Variants in DLC1 observed in about 807,000 individuals in gnomAD.
DLC1 encodes the protein DLC1 Rho GTPase activating protein.
Under a neutral mutation model 140.3 loss-of-function variants are expected in DLC1, and 54 were observed. That is an observed-to-expected ratio of 0.38 (90% CI 0.31 to 0.48). DLC1 has a LOEUF of 0.48. Among genes scored for constraint, DLC1 ranks in the 20% least tolerant of loss-of-function variants. The pLI is 0.96. For synonymous variants in DLC1, 986 were observed against 728.1 expected (o/e 1.35, Z -5.70); for missense variants, 2,536 against 1,907.0 (o/e 1.33, Z -6.14).
chr8:13,125,274 G>A (rs558208258), intron 5 of DLC1, among the ~76,000 whole-genome samples: 4 of 152,278 alleles, frequency 2.6e-5, no homozygotes, highest in African/African-American at 9.6e-5. Context: ...ACCAAACCTG[G>A]CCTAATTTGC....
At chr8:13,402,577 C>G (rs1436860496) in intron 2 of DLC1, among the ~76,000 whole-genome samples, 1 of 152,204 alleles carries the variant, frequency 6.6e-6, no homozygotes, top group Non-Finnish European at 1.5e-5. Context: ...TGTTGCCATC[C>G]TCTCCATCTG....
At chr8:13,597,749 T>C (rs978279468) in intron 1 of DLC1, among the ~76,000 whole-genome samples, 1 of 152,098 alleles carries the variant, frequency 6.6e-6, no homozygotes, top group Non-Finnish European at 1.5e-5. Context: ...AAAGTCAGTA[T>C]CTCACTATCT....
At chr8:13,114,163 A>C (rs1820343170) in intron 6 of DLC1, among the ~76,000 whole-genome samples, 1 of 152,204 alleles carries the variant, frequency 6.6e-6, no homozygotes, top group African/African-American at 2.4e-5. Context: ...GGAGTTCACG[A>C]CCAGCTTGGC....
chr8:13,185,340 C>G (rs1287249820), intron 5 of DLC1, among the ~76,000 whole-genome samples: 1 of 149,808 alleles, frequency 6.7e-6, no homozygotes, highest in Non-Finnish European at 1.5e-5. Flanking sequence ...TGGAGTCTCA[C>G]TCTGTAGCCC....
intron 5 of DLC1, among the ~76,000 whole-genome samples, chr8:13,233,293 T>TAAAAAAAAAAAAAAAAAAAAAAA (rs71207134): frequency 1.4e-5 from 1 of 70,388 alleles, no homozygotes; most frequent in African/African-American, 5.8e-5. Context: ...AGACTCTGTA[T>TAAAAAAAAAAAAAAAAAAAAAAA]AAAAAAAAAA....
At chr8:13,454,708 C>T (rs1799310004) in intron 2 of DLC1, among the ~76,000 whole-genome samples, 1 of 152,102 alleles carries the variant, frequency 6.6e-6, no homozygotes, top group Non-Finnish European at 1.5e-5. Flanking sequence ...GTATGAGTCA[C>T]CATGCCTAGC....
At chr8:13,088,341 C>G in intron 16 of DLC1, 146 bp downstream of exon 16, 1 of 966,318 alleles carries the variant, frequency 1.0e-6, no homozygotes, top group Non-Finnish European at 1.5e-6. Flanking sequence ...CTTGGCCTCC[C>G]AGAGTGCTGG....
intron 3 of DLC1, among the ~76,000 whole-genome samples, chr8:13,398,605 C>CAAAAAAA (rs55898759): frequency 1.1e-4 from 13 of 113,114 alleles, no homozygotes; most frequent in African/African-American, 4.0e-4. Context: ...CCATCTCTAC[C>CAAAAAAA]AAAAAAAAAA....
At chr8:13,504,222 G>A (rs1423540431) in intron 1 of DLC1, among the ~76,000 whole-genome samples, 2 of 150,990 alleles carry the variant, frequency 1.3e-5, no homozygotes, top group Non-Finnish European at 2.9e-5. Context: ...TGCCTCCTGG[G>A]TTCAAGTGAT....
At chr8:13,089,038 C>A (rs1047602208) in intron 15 of DLC1, among the ~76,000 whole-genome samples, 2 of 151,650 alleles carry the variant, frequency 1.3e-5, no homozygotes, top group African/African-American at 4.8e-5. Context: ...GCGGGTGGAT[C>A]ATCTGAGGTC....
At chr8:13,453,422 A>ATATATATG (rs1554523043) in intron 2 of DLC1, among the ~76,000 whole-genome samples, 9 of 32,568 alleles carry the variant, frequency 2.8e-4, no homozygotes, top group African/African-American at 1.3e-3. Context: ...ATATATATAT[A>ATATATATG]TGTGTATATA....
In DLC1 at chr8:13,314,522, A is replaced by C. The variant is rs186037514; in HGVS notation, c.1315-9220T>G. Among the ~76,000 whole-genome samples the C allele has an allele frequency of 4.4e-3, 675 of 152,136 alleles. 4 individuals carry two copies. Among genetic ancestry groups the C allele is most frequent in the Middle Eastern group, 0.024 (7 of 294 alleles). ...GCTGAGAGATAAAGCATTTACTCATATCCATCTTGGTCAGGTTAATTACTA... is the reference window on the plus strand; with the variant it reads ...GCTGAGAGATAAAGCATTTACTCATCTCCATCTTGGTCAGGTTAATTACTA... On this transcript the variant is annotated intron_variant, in intron 4 of 17. Transcript: ENST00000276297.
At chr8:13,140,188 TTTTC>T (rs1023625967) in intron 5 of DLC1, among the ~76,000 whole-genome samples, 2 of 152,248 alleles carry the variant, frequency 1.3e-5, no homozygotes, top group Admixed American at 6.5e-5. Flanking sequence ...TGGTTAAATA[TTTTC>T]TTTCTTTCTT....
chr8:13,506,593 A>ATACACG, intron 1 of DLC1, among the ~76,000 whole-genome samples: 1 of 133,688 alleles, frequency 7.5e-6, no homozygotes, highest in Admixed American at 8.1e-5. Context: ...ATATATATAT[A>ATACACG]TATATATATA....
chr8:13,499,126 T>A lies in DLC1; in HGVS notation c.946A>T (p.Met316Leu). The A allele has an allele frequency of 6.2e-7, 1 of 1,614,190 alleles. No homozygotes were observed. The highest frequency in any genetic ancestry group is 8.5e-7 in the Non-Finnish European group (1 of 1,180,014). The change falls in exon 2 of 18, where the codon ATG becomes TTG. Residue 316 changes from methionine to leucine, a missense_variant. Transcript: ENST00000276297. ...SPPKVKAEDGMQCLQLKETLA... is the reference protein window; with the variant it reads ...SPPKVKAEDGLQCLQLKETLA... ...GTCTCCTTTAATTGTAAACACTGCA[T>A]GCCATCTTCTGCCTTGACCTTTGGT...
intron 1 of DLC1, 127 bp downstream of exon 1, chr8:13,514,475 T>C: frequency 2.5e-6 from 1 of 397,346 alleles, no homozygotes; most frequent in South Asian, 1.3e-4. Flanking sequence ...TTTCCACTTC[T>C]GATTTTATGG....
At chr8:13,323,554 A>C (rs73562576) in intron 4 of DLC1, among the ~76,000 whole-genome samples, 11,317 of 152,140 alleles carry the variant, frequency 0.074, 488 homozygotes, top group South Asian at 0.097. Flanking sequence ...TTATTAATTT[A>C]TATTTGTTGA....
rs562589743 is a variant in DLC1 at position 13,588,758 on chromosome 8, G to A, written c.-126+15779C>T. ...TCTCAAAGACTAAAGATATAGGCTT[G>A]GGATGCATGGTTAAGTGATATTTAT... is the stretch of plus-strand genomic sequence containing the variant. On this transcript the variant is annotated intron_variant, in intron 1 of 1. Coordinates refer to the DLC1 transcript ENST00000631382. Among the ~76,000 whole-genome samples, 7 of 152,150 alleles carry A rather than the reference G, an allele frequency of 4.6e-5. No individual in the cohort carries two copies. In the East Asian group the frequency reaches 1.4e-3, roughly 29 times the overall value.
At chr8:13,487,905 T>C (rs4831442) in intron 2 of DLC1, among the ~76,000 whole-genome samples, 149,268 of 152,338 alleles carry the variant, frequency 0.98, 73,214 homozygotes, top group East Asian at 1. Flanking sequence ...AAGAAGGCGA[T>C]CATTGATATT....
Sources: allele counts gnomAD v4.1 joint callset (sites outside exome capture counted in the v4.1 genomes callset), GRCh38; gene constraint gnomAD v4.1.1; transcripts MANE v1.5; gene names NCBI Gene and HGNC (gene_info 2026-07-23, HGNC 2026-07-21).